Variants in LSM10 observed in about 807,000 individuals in gnomAD.
The protein encoded by LSM10 is LSM10, U7 small nuclear RNA associated.
Under a neutral mutation model 5.2 loss-of-function variants are expected in LSM10, and 4 were observed. That is an observed-to-expected ratio of 0.77 (90% CI 0.38 to 1.77). The LOEUF (loss-of-function observed/expected upper bound fraction) is 1.77, where lower values mean the gene tolerates loss of function less well. Among genes scored for constraint, LSM10 ranks in the 40% most tolerant of loss-of-function variants. LSM10 has a pLI of 0.04. For missense variants in LSM10, 150 were observed against 171.6 expected, an observed-to-expected ratio of 0.87 and a Z score of 0.70; for synonymous variants, 63 against 67.4, an observed-to-expected ratio of 0.94 and a Z score of 0.32.
At chr1:36,396,311 GTC>G (rs1365235494) in intron 1 of LSM10, among the ~76,000 whole-genome samples, 5 of 151,206 alleles carry the variant, frequency 3.3e-5, no homozygotes, top group Non-Finnish European at 7.4e-5. Context: ...GCAATCTCAG[GTC>G]TCTCCCCAAG....
chr1:36,397,404 A>G (rs1647163956), intron 1 of LSM10, among the ~76,000 whole-genome samples: 1 of 152,188 alleles, frequency 6.6e-6, no homozygotes, highest in Non-Finnish European at 1.5e-5. Flanking sequence ...GGCATGGCCT[A>G]ACGACCAGCC....
chr1:36,396,838 C>A (rs142409014), intron 1 of LSM10, among the ~76,000 whole-genome samples: 13 of 152,142 alleles, frequency 8.5e-5, no homozygotes, highest in African/African-American at 3.1e-4. Flanking sequence ...TGGGCATGGG[C>A]GCACCTGTAA....
chr1:36,394,068 A>G lies in LSM10; in HGVS notation c.62T>C (p.Leu21Pro), dbSNP rs1647141655. The stretch of plus-strand genomic sequence containing the variant: ...GGTTACCCGGCCCTGGAGGCCCTGC[A>G]GTAGGATGATCAGGCTGTTCTCAGA... ...TISENSLIILLQGLQGRVTTV... is the reference protein window; with the variant it reads ...TISENSLIILPQGLQGRVTTV... Residue 21 changes from leucine to proline, a missense_variant, in exon 2 of 2, where the codon CTG (leucine) becomes CCG (proline). Transcript: ENST00000315732. The G allele has an allele frequency of 1.9e-6, 3 of 1,614,172 alleles. No individual in the cohort carries two copies. Among genetic ancestry groups the G allele is most frequent in the Admixed American group, 3.3e-5 (2 of 60,020 alleles).
At chr1:36,395,533 C>A (rs928276901) in intron 1 of LSM10, among the ~76,000 whole-genome samples, 2 of 152,092 alleles carry the variant, frequency 1.3e-5, no homozygotes, top group Admixed American at 6.6e-5. Flanking sequence ...AATCCCAGCA[C>A]TTTGGGAGGC....
At position 36,394,081 on chromosome 1, in the gene LSM10, G is replaced by C; in HGVS notation, c.49C>G (p.Leu17Val). 6.2e-7 allele frequency: 1 copy of C among 1,614,102 alleles called. No homozygotes were observed. The highest frequency in any genetic ancestry group is 8.5e-7 in the Non-Finnish European group (1 of 1,180,030). ...VKERTISENS[L>V]IILLQGLQGR... ...TGGAGGCCCTGCAGTAGGATGATCAGGCTGTTCTCAGAGATGGTCCGCTCC... is the reference window on the plus strand; with the variant it reads ...TGGAGGCCCTGCAGTAGGATGATCACGCTGTTCTCAGAGATGGTCCGCTCC... Residue 17 changes from leucine to valine, a missense_variant, in exon 2 of 2, where the codon CTG (leucine) becomes GTG (valine). Leu to Val is a conservative substitution (Grantham distance 32, BLOSUM62 1). Coordinates refer to ENST00000315732, the MANE Select transcript of LSM10 (RefSeq NM_032881.3).
rs1349785144 is a variant in LSM10, at chr1:36,393,786, C to T, written c.344G>A (p.Trp115Ter). The T allele has an allele frequency of 1.2e-6, 2 of 1,614,172 alleles. No individual in the cohort carries two copies. Residue 115 changes from tryptophan to a stop codon, truncating the protein, a stop_gained, in exon 2 of 2, where the codon TGG becomes TAG. Coordinates refer to ENST00000315732, the MANE Select transcript of LSM10 (RefSeq NM_032881.3). LOFTEE classifies it high-confidence loss of function. ...RNFGGKGQGR[W>*]EFPPKNCK ...CTTACAGTTTTTTGGGGGAAATTCCCACCGGCCTTGGCCCTTGCCACCAAA... is the reference window on the plus strand; with the variant it reads ...CTTACAGTTTTTTGGGGGAAATTCCTACCGGCCTTGGCCCTTGCCACCAAA...
At chr1:36,395,918 A>C (rs978971902) in intron 1 of LSM10, among the ~76,000 whole-genome samples, 1 of 151,710 alleles carries the variant, frequency 6.6e-6, no homozygotes. Context: ...GGGCCCAGGT[A>C]TCCTATTTTG....
Position 36,393,957 on chromosome 1 carries a change from G to A in LSM10, c.173C>T (p.Thr58Ile), listed in dbSNP as rs1439612586. The A allele has an allele frequency of 1.2e-6, 2 of 1,614,248 alleles. No homozygotes were observed. The highest frequency in any genetic ancestry group is 1.3e-5 in the African/African-American group (1 of 75,070). The change falls in exon 2 of 2, where the codon ACC (threonine) becomes ATC (isoleucine). Residue 58 changes from threonine to isoleucine, a missense_variant. By Grantham distance (89) the Thr-to-Ile change is moderately conservative (BLOSUM62 -1). Coordinates refer to ENST00000315732, the MANE Select transcript of LSM10 (RefSeq NM_032881.3). ...CTGATGCCCCCAACGGTCCGTGTAGGTGACTTTGGCCAGGCGGATGTTCAT... is the reference window on the plus strand; with the variant it reads ...CTGATGCCCCCAACGGTCCGTGTAGATGACTTTGGCCAGGCGGATGTTCAT... ...AFMNIRLAKVTYTDRWGHQVK... is the reference protein window; with the variant it reads ...AFMNIRLAKVIYTDRWGHQVK...
At chr1:36,394,188 A>G (rs1006883463) in intron 1 of LSM10, 35 bp from the exon 2 acceptor site, 6 of 1,559,794 alleles carry the variant, frequency 3.8e-6, no homozygotes, top group Non-Finnish European at 5.2e-6. Context: ...CAGCTATAGC[A>G]GGGTAGGGGG....
chr1:36,393,593 G>T lies in LSM10; in HGVS notation c.*165C>A. 1.1e-6 allele frequency: 1 copy of T among 908,646 alleles called. No individual in the cohort carries two copies. The highest frequency in any genetic ancestry group is 1.7e-6 in the Non-Finnish European group (1 of 593,680). 56.3% of individuals were successfully genotyped at this position (908,646 alleles called of 1,614,324 possible). A position where few individuals can be genotyped will look rare whatever the true frequency, so the allele number is the denominator to read the frequency against. ...TCTGGGTCCCAGAGTGAGTCTGGGA[G>T]GTGGAACCCTGTGAAAGGCAGCTTT... On this transcript the variant is annotated 3_prime_UTR_variant, in exon 2 of 2. Coordinates refer to ENST00000315732, the MANE Select transcript of LSM10 (RefSeq NM_032881.3).
intron 1 of LSM10, among the ~76,000 whole-genome samples, chr1:36,395,949 C>A (rs781312735): frequency 7.3e-5 from 11 of 151,284 alleles, no homozygotes; most frequent in Non-Finnish European, 1.2e-4. Flanking sequence ...CGGCTGGGCG[C>A]GGTGGCTCAC....
intron 1 of LSM10, among the ~76,000 whole-genome samples, chr1:36,396,031 C>G (rs1647156055): frequency 6.6e-6 from 1 of 151,804 alleles, no homozygotes; most frequent in African/African-American, 2.4e-5. Flanking sequence ...ACCATCCTGG[C>G]TAACATGGTG....
chr1:36,394,297 C>T, intron 1 of LSM10, 144 bp from the exon 2 acceptor site: 1 of 716,078 alleles, frequency 1.4e-6, no homozygotes. Flanking sequence ...GCTTCCCGCA[C>T]ATGTCTCATA....
intron 1 of LSM10, among the ~76,000 whole-genome samples, chr1:36,395,081 TG>T (rs1184450061): frequency 6.6e-6 from 1 of 152,144 alleles, no homozygotes; most frequent in Non-Finnish European, 1.5e-5. Context: ...CACTCCAGCC[TG>T]GGCAACAAGA....
At chr1:36,395,705 G>C (rs1015391333) in intron 1 of LSM10, among the ~76,000 whole-genome samples, 3 of 151,682 alleles carry the variant, frequency 2.0e-5, no homozygotes, top group African/African-American at 7.3e-5. Context: ...TTGAATCCGG[G>C]AGGTGGAGGC....
intron 1 of LSM10, among the ~76,000 whole-genome samples, chr1:36,394,518 A>G (rs1025084517): frequency 1.3e-5 from 2 of 152,160 alleles, no homozygotes; most frequent in African/African-American, 2.4e-5. Context: ...AAAAAAACCT[A>G]CAAGAAGGCT....
chr1:36,394,225 G>C (rs1243506236), intron 1 of LSM10, 72 bp from the exon 2 acceptor site: 2 of 1,435,034 alleles, frequency 1.4e-6, no homozygotes, highest in Non-Finnish European at 1.9e-6. Flanking sequence ...CCTCCACCAG[G>C]TTCTCAAACA....
chr1:36,395,988 G>C (rs1355958438), intron 1 of LSM10, among the ~76,000 whole-genome samples: 3 of 151,754 alleles, frequency 2.0e-5, no homozygotes, highest in African/African-American at 7.3e-5. Context: ...TTGGGAGACC[G>C]AGGCGGGCGG....
chr1:36,394,067 C>A lies in LSM10; in HGVS notation c.63G>T (p.Leu21=). The A allele has an allele frequency of 1.2e-6, 2 of 1,614,168 alleles. No individual in the cohort carries two copies. Among genetic ancestry groups the A allele is most frequent in the Non-Finnish European group, 1.7e-6 (2 of 1,180,026 alleles). ...TISENSLIIL[L]QGLQGRVTTV... ...TGGTTACCCGGCCCTGGAGGCCCTG[C>A]AGTAGGATGATCAGGCTGTTCTCAG... The change falls in exon 2 of 2, where the codon CTG becomes CTT. Residue 21 remains leucine, a synonymous_variant. Transcript: ENST00000315732.
Sources: allele counts gnomAD v4.1 joint callset (sites outside exome capture counted in the v4.1 genomes callset), GRCh38; gene constraint gnomAD v4.1.1; transcripts MANE v1.5; gene names NCBI Gene and HGNC (gene_info 2026-07-23, HGNC 2026-07-21).